The following TMOD3 variants were observed in gnomAD, a reference collection of about 807,000 sequenced individuals.
TMOD3 encodes tropomodulin-3.
In TMOD3, 20 loss-of-function variants were observed where a neutral mutation model predicts 39.2. The ratio of observed to expected loss-of-function variants is 0.51; its 90% CI spans 0.36 to 0.74. The LOEUF (loss-of-function observed/expected upper bound fraction) is 0.74, where lower values mean the gene tolerates loss of function less well. TMOD3 is among the 30% of genes least tolerant of loss of function. The pLI, the probability that TMOD3 is intolerant of heterozygous loss-of-function variation, is 0.00. For synonymous variants in TMOD3, 143 were observed against 145.8 expected (o/e 0.98, Z 0.14); for missense variants, 381 against 412.8 (o/e 0.92, Z 0.67).
rs1326979832 is a variant in TMOD3, at chr15:51,869,321, A to G, written c.231A>G (p.Ala77=). ...TCCTTTCATATCTGGAGAAAGAAGC[A>G]TTGGAGCATAAAGACAGGGAAGACT... ...EHLLSYLEKE[A]LEHKDREDYV... Residue 77 remains alanine, a synonymous_variant, in exon 3 of 10, where the codon GCA becomes GCG. Transcript: ENST00000308580. The G allele has an allele frequency of 1.2e-6, 2 of 1,614,202 alleles. No homozygotes were observed. The highest frequency in any genetic ancestry group is 1.7e-5 in the Admixed American group (1 of 60,022).
At chr15:51,906,758 C>T (rs939024906) in intron 9 of TMOD3, among the ~76,000 whole-genome samples, 2 of 152,164 alleles carry the variant, frequency 1.3e-5, no homozygotes, top group Admixed American at 6.5e-5. Flanking sequence ...CAGTGGCTCA[C>T]GCCTGTAATC....
At chr15:51,848,951 G>A (rs767231237) in intron 1 of TMOD3, among the ~76,000 whole-genome samples, 4 of 152,202 alleles carry the variant, frequency 2.6e-5, no homozygotes, top group Non-Finnish European at 5.9e-5. Context: ...GCTGTAGTGG[G>A]TTAACATAAT....
chr15:51,830,868 T>A (rs1689627035), intron 1 of TMOD3, among the ~76,000 whole-genome samples: 1 of 152,224 alleles, frequency 6.6e-6, no homozygotes, highest in South Asian at 2.1e-4. Flanking sequence ...AGGCACCTTT[T>A]CACCTTTAAG....
At chr15:51,838,321 C>A in intron 1 of TMOD3, among the ~76,000 whole-genome samples, 1 of 152,100 alleles carries the variant, frequency 6.6e-6, no homozygotes, top group East Asian at 1.9e-4. Flanking sequence ...TATATATTTT[C>A]TTGAAAAAAA....
At chr15:51,880,501 C>A (rs2056527322) in intron 3 of TMOD3, among the ~76,000 whole-genome samples, 1 of 152,228 alleles carries the variant, frequency 6.6e-6, no homozygotes, top group Non-Finnish European at 1.5e-5. Flanking sequence ...CATCCCCATT[C>A]CATTCCCTAG....
chr15:51,864,026 G>A (rs1285370694), intron 2 of TMOD3, among the ~76,000 whole-genome samples: 1 of 152,138 alleles, frequency 6.6e-6, no homozygotes, highest in Non-Finnish European at 1.5e-5. Flanking sequence ...AGCACTTTGG[G>A]AGGCCGAGGC....
chr15:51,871,235 G>C (rs886681474), intron 3 of TMOD3, among the ~76,000 whole-genome samples: 2 of 152,196 alleles, frequency 1.3e-5, no homozygotes, highest in Non-Finnish European at 2.9e-5. Context: ...GTTTTGAAGT[G>C]TGGAGAATCA....
Position 51,865,695 on chromosome 15 carries a change from C to T in TMOD3, c.126+2685C>T, listed in dbSNP as rs535550346. On this transcript the variant is annotated intron_variant, in intron 2 of 9. Transcript: ENST00000308580. ...TGTTGGGTGACATGTTTTTGGAAAG[C>T]GTTCTGGTAAAGAACCAGGTAAGAA... is the stretch of plus-strand genomic sequence containing the variant. Among the ~76,000 whole-genome samples, 11 of 152,218 alleles carry T rather than the reference C, an allele frequency of 7.2e-5. 1 individual carries two copies. The highest frequency in any genetic ancestry group is 4.6e-4 in the Admixed American group (7 of 15,294).
At chr15:51,906,983 G>A (rs1487143942) in intron 9 of TMOD3, among the ~76,000 whole-genome samples, 1 of 145,122 alleles carries the variant, frequency 6.9e-6, no homozygotes, top group African/African-American at 2.6e-5. Flanking sequence ...TCGCGCCATT[G>A]CACTCCAGCC....
rs77420572 is a variant in TMOD3, at chr15:51,868,070, A to G, written c.127-1147A>G. 1.6e-3 allele frequency among the ~76,000 whole-genome samples: 244 copies of G among 152,352 alleles called. 11 individuals are homozygous for G. Among genetic ancestry groups the G allele is most frequent in the East Asian group, 9.6e-3 (50 of 5,184 alleles). ...CAAGTACATCCTAGTGGTCATGTAT[A>G]TATGTACGCATACACACACAAGTGG... On this transcript the variant is annotated intron_variant, in intron 2 of 9. Transcript: ENST00000308580.
chr15:51,885,063 C>T (rs1183490739), intron 3 of TMOD3, among the ~76,000 whole-genome samples: 1 of 152,204 alleles, frequency 6.6e-6, no homozygotes, highest in Non-Finnish European at 1.5e-5. Flanking sequence ...GCTTTTGAAG[C>T]ACCAGTTTAA....
intron 1 of TMOD3, chr15:51,833,387 A>T (rs1462854007): frequency 1.3e-5 from 2 of 152,246 alleles, no homozygotes; most frequent in African/African-American, 4.8e-5. Context: ...ATTTTTATTG[A>T]TGTATAATTA....
chr15:51,849,282 G>A (rs2056349943), intron 1 of TMOD3, among the ~76,000 whole-genome samples: 1 of 152,176 alleles, frequency 6.6e-6, no homozygotes, highest in South Asian at 2.1e-4. Context: ...AGGTATGGGG[G>A]AGAAAATTAG....
At chr15:51,905,890 G>A (rs1340332911) in intron 9 of TMOD3, among the ~76,000 whole-genome samples, 2 of 140,528 alleles carry the variant, frequency 1.4e-5, no homozygotes, top group Non-Finnish European at 3.0e-5. Flanking sequence ...CTTGCAGTGA[G>A]CCGAGATTGC....
rs199520707 is a variant in TMOD3, at chr15:51,908,797, G to A, written c.1046G>A (p.Gly349Glu). ...NDLVRKRRVE[G>E]DHQ ...ATAGTGCGTAAGAGACGAGTTGAAG[G>A]AGATCACCAGTAAGTCTGCAAAGGT... The change falls in exon 10 of 10, where the codon GGA becomes GAA. Residue 349 changes from glycine to glutamate, a missense_variant. Physicochemically the swap from Gly to Glu is moderately conservative, Grantham distance 98. Transcript: ENST00000308580. 200 of 1,608,130 alleles carry A rather than the reference G, an allele frequency of 1.2e-4. No homozygotes were observed. The South Asian group carries it at 2.0e-3, about 16-fold the overall frequency.
chr15:51,881,686 T>C lies in TMOD3; in HGVS notation c.284-5903T>C, dbSNP rs1229650445. 1.8e-3 allele frequency among the ~76,000 whole-genome samples: 213 copies of C among 119,152 alleles called. No homozygotes were observed. The Middle Eastern group carries it at 0.035, about 19-fold the overall frequency. 78.2% of individuals were successfully genotyped at this position (119,152 alleles called of 152,430 possible). A position where few individuals can be genotyped will look rare whatever the true frequency, so the allele number is the denominator to read the frequency against. On this transcript the variant is annotated intron_variant, in intron 3 of 9. Coordinates refer to ENST00000308580, the MANE Select transcript of TMOD3 (RefSeq NM_014547.5). Reference sequence around the variant, plus strand: ...AAGCGATTCTCCTGCCTCAGCCTCCTGAGTAGCTGGGATTACAGGCATGCA... The same window carrying C: ...AAGCGATTCTCCTGCCTCAGCCTCCCGAGTAGCTGGGATTACAGGCATGCA...
At position 51,910,305 on chromosome 15, in the gene TMOD3, T is replaced by C. The variant is rs958607301; in HGVS notation, c.*1495T>C. 5 of 152,450 alleles carry C rather than the reference T, an allele frequency of 3.3e-5. No homozygotes were observed. The highest frequency in any genetic ancestry group is 1.3e-4 in the Admixed American group (2 of 15,308). The allele number at this position is 152,450 out of a possible 1,614,324, so 9.4% of individuals were successfully genotyped here. On this transcript the variant is annotated 3_prime_UTR_variant, in exon 10 of 10. Coordinates refer to ENST00000308580, the MANE Select transcript of TMOD3 (RefSeq NM_014547.5). ...TTTAAACTTTTTGGGCCGGGCGCAGTGGCTCACGCCTGTAATCCCAGCACT... is the reference window on the plus strand; with the variant it reads ...TTTAAACTTTTTGGGCCGGGCGCAGCGGCTCACGCCTGTAATCCCAGCACT...
intron 3 of TMOD3, among the ~76,000 whole-genome samples, chr15:51,877,548 C>T (rs994994299): frequency 2.6e-5 from 4 of 151,962 alleles, no homozygotes; most frequent in Non-Finnish European, 5.9e-5. Context: ...GGTGTGGTGG[C>T]GGGCGCCTGT....
At chr15:51,855,466 C>G (rs1356537172) in intron 1 of TMOD3, among the ~76,000 whole-genome samples, 2 of 152,198 alleles carry the variant, frequency 1.3e-5, no homozygotes, top group Non-Finnish European at 2.9e-5. Flanking sequence ...TATCAGAATT[C>G]CAAATTAAAA....
Sources: gnomAD v4.1 joint callset for allele counts (sites outside exome capture counted in the v4.1 genomes callset) on GRCh38, gnomAD v4.1.1 for gene constraint, MANE v1.5 for transcripts, NCBI Gene and HGNC (gene_info 2026-07-23, HGNC 2026-07-21) for gene names.